Variants in SGCE observed in about 807,000 individuals in gnomAD.
SGCE encodes the protein epsilon-sarcoglycan.
SGCE carries 26 observed loss-of-function variants against 57.8 expected under a neutral mutation model. The ratio of observed to expected loss-of-function variants is 0.45; its 90% CI spans 0.33 to 0.62. The LOEUF (loss-of-function observed/expected upper bound fraction) is 0.62. Among genes scored for constraint, SGCE ranks in the 20% least tolerant of loss-of-function variants. The pLI, the probability that SGCE is intolerant of heterozygous loss-of-function variation, is 0.02. For missense variants in SGCE, 468 were observed against 548.6 expected (o/e 0.85, Z 1.47); for synonymous variants, 183 against 189.5 (o/e 0.97, Z 0.28).
rs139062360 is a variant in SGCE at position 94,598,956 on chromosome 7, G to A, written c.1072C>T (p.Leu358=). The change falls in exon 9 of 11, where the codon CTG becomes TTG. Residue 358 remains leucine (L), a synonymous_variant. Coordinates refer to ENST00000648936, the MANE Select transcript of SGCE (RefSeq NM_003919.3). ...KRNMQTPDIQ[L]VHHSAIQKST... is the part of the protein sequence containing the mutation. ...TTCTGAATAGCACTGTGATGGACCA[G>A]TTGGATGCTAGGTCAAAAAGAAATA... 1.4e-4 allele frequency: 227 copies of A among 1,612,986 alleles called. 1 individual carries two copies. The Admixed American group carries it at 3.5e-3, about 25-fold the overall frequency.
chr7:94,622,052 C>CAG (rs34542079), intron 4 of SGCE: 1 of 151,864 alleles, frequency 6.6e-6, no homozygotes, highest in Admixed American at 6.6e-5. Flanking sequence ...TCTCCATACA[C>CAG]GTTTAATTTT....
chr7:94,612,345 T>A (rs1801169113), intron 5 of SGCE, among the ~76,000 whole-genome samples: 1 of 152,196 alleles, frequency 6.6e-6, no homozygotes, highest in African/African-American at 2.4e-5. Flanking sequence ...CCAAAAGAAC[T>A]ATTTTCATTT....
chr7:94,598,316 C>A, intron 9 of SGCE: 1 of 186,990 alleles, frequency 5.3e-6, no homozygotes, highest in East Asian at 1.5e-4. Context: ...CTCTGACATA[C>A]AAGCAGATCA....
chr7:94,655,700 G>A (rs1467468255), intron 1 of SGCE, among the ~76,000 whole-genome samples: 1 of 151,670 alleles, frequency 6.6e-6, no homozygotes, highest in Non-Finnish European at 1.5e-5. Flanking sequence ...GGCGGGGAGG[G>A]GGATGTTGGG....
chr7:94,654,525 A>C (rs1808323870), intron 1 of SGCE, among the ~76,000 whole-genome samples: 2 of 152,226 alleles, frequency 1.3e-5, no homozygotes, highest in Non-Finnish European at 2.9e-5. Flanking sequence ...TAAAGATTAA[A>C]TTAAAAGGCA....
intron 5 of SGCE, among the ~76,000 whole-genome samples, chr7:94,614,106 T>G (rs1414250738): frequency 1.8e-5 from 1 of 55,172 alleles, no homozygotes; most frequent in Non-Finnish European, 3.4e-5. Context: ...CAAATTGAAA[T>G]CAAAAAAAAA....
chr7:94,654,673 T>C (rs1562913088), intron 1 of SGCE, among the ~76,000 whole-genome samples: 1 of 152,228 alleles, frequency 6.6e-6, no homozygotes, highest in Non-Finnish European at 1.5e-5. Flanking sequence ...GGCTACAGTT[T>C]TGTTTATTCC....
At chr7:94,630,391 T>C (rs1288748390) in intron 1 of SGCE, among the ~76,000 whole-genome samples, 1 of 151,906 alleles carries the variant, frequency 6.6e-6, no homozygotes, top group African/African-American at 2.4e-5. Flanking sequence ...GGATACTTTT[T>C]CTGGGTATTC....
chr7:94,615,483 G>A (rs1801790803), intron 5 of SGCE, among the ~76,000 whole-genome samples: 1 of 151,996 alleles, frequency 6.6e-6, no homozygotes, highest in Admixed American at 6.6e-5. Flanking sequence ...ACTGAAATTG[G>A]CCCAGGATCA....
intron 1 of SGCE, among the ~76,000 whole-genome samples, chr7:94,635,065 T>C (rs1055241417): frequency 1.1e-4 from 16 of 152,206 alleles, no homozygotes; most frequent in African/African-American, 3.9e-4. Context: ...ACAATATAAT[T>C]AATAAGTAAC....
intron 8 of SGCE, 27 bp from the exon 9 acceptor site, chr7:94,598,990 T>A (rs1798824366): frequency 6.4e-7 from 1 of 1,574,232 alleles, no homozygotes; most frequent in Admixed American, 1.7e-5. Flanking sequence ...TAAAACAACA[T>A]ATATTTAAAA....
intron 1 of SGCE, among the ~76,000 whole-genome samples, chr7:94,636,016 T>C (rs1805551370): frequency 6.6e-6 from 1 of 152,186 alleles, no homozygotes; most frequent in Admixed American, 6.5e-5. Context: ...ACTTCATTTC[T>C]CTAGGAGATA....
chr7:94,603,513 T>C (rs1799599422), intron 5 of SGCE, 61 bp from the exon 6 acceptor site: 3 of 1,504,106 alleles, frequency 2.0e-6, no homozygotes, highest in Non-Finnish European at 2.8e-6. Flanking sequence ...TAAAAAACAA[T>C]CCACCTTAAA....
At chr7:94,618,729 T>G in intron 5 of SGCE, 29 bp downstream of exon 5, 1 of 1,570,312 alleles carries the variant, frequency 6.4e-7, no homozygotes, top group Non-Finnish European at 8.8e-7. Flanking sequence ...AAATCTATAT[T>G]TAAGGCAATG....
chr7:94,613,169 T>C (rs1040759503), intron 5 of SGCE, among the ~76,000 whole-genome samples: 1 of 152,240 alleles, frequency 6.6e-6, no homozygotes, highest in Non-Finnish European at 1.5e-5. Flanking sequence ...ATATTGGATT[T>C]GTCTCATTAA....
intron 9 of SGCE, chr7:94,597,376 TATCTA>T (rs1350388735): frequency 6.6e-6 from 1 of 152,166 alleles, no homozygotes; most frequent in Non-Finnish European, 1.5e-5. Flanking sequence ...TGGATAAACT[TATCTA>T]GTCTATCTAT....
intron 1 of SGCE, among the ~76,000 whole-genome samples, chr7:94,652,917 C>T (rs2117112184): frequency 6.6e-6 from 1 of 152,178 alleles, no homozygotes. Flanking sequence ...ATAGAAAGTC[C>T]AGTTATTATT....
chr7:94,585,268 G>A lies in SGCE; in HGVS notation c.*231C>T, dbSNP rs1796750503. The A allele has an allele frequency of 2.2e-6, 1 of 457,992 alleles. No homozygotes were observed. The highest frequency in any genetic ancestry group is 3.2e-5 in the East Asian group (1 of 31,548). 28.4% of individuals were successfully genotyped at this position (457,992 alleles called of 1,614,324 possible). ...TTTATTTTAAAGATCAACTTTTATT[G>A]TAACAAATATAAAGTCATCAATGTT... is the stretch of plus-strand genomic sequence containing the variant. On this transcript the variant is annotated 3_prime_UTR_variant, in exon 11 of 11. Coordinates refer to ENST00000648936, the MANE Select transcript of SGCE (RefSeq NM_003919.3).
chr7:94,624,169 A>C (rs1803318640), intron 3 of SGCE: 2 of 397,908 alleles, frequency 5.0e-6, no homozygotes, highest in Non-Finnish European at 8.9e-6. Context: ...CCTCAAAAAA[A>C]AAAAAAAAAA....
Sources: gnomAD v4.1 joint callset for allele counts (sites outside exome capture counted in the v4.1 genomes callset) on GRCh38, gnomAD v4.1.1 for gene constraint, MANE v1.5 for transcripts, NCBI Gene and HGNC (gene_info 2026-07-23, HGNC 2026-07-21) for gene names.